The following ZNF33A variants were observed in gnomAD, a reference collection of about 807,000 sequenced individuals.
The protein encoded by ZNF33A is zinc finger protein 33A.
A neutral mutation model predicts 15.9 loss-of-function variants in ZNF33A; 9 were observed. The observed-to-expected ratio is 0.57, with a 90% confidence interval of 0.34 to 0.99. The LOEUF is 0.99. Ranked by LOEUF, ZNF33A falls within the 50% of genes least tolerant of loss-of-function variation. The probability of loss-of-function intolerance (pLI) is 0.02; values close to 1 mark genes in which losing one functional copy is unlikely to be tolerated. For synonymous variants in ZNF33A, 294 were observed against 324.2 expected (o/e 0.91, Z 1.00); for missense variants, 843 against 941.6 (o/e 0.90, Z 1.37).
rs2135697432 is a variant in ZNF33A, at chr10:38,041,867, A to G, written c.251-12508A>G. On this transcript the variant is annotated intron_variant, in intron 4 of 4. Transcript: ENST00000432900. ...TTGTTGTTGTTGTTGTTGTTTTTTT[A>G]CTTTAAGTTCTGTGATACATGTGCA... Among the ~76,000 whole-genome samples, 3 of 151,890 alleles carry G rather than the reference A, an allele frequency of 2.0e-5. No homozygotes were observed. The South Asian group carries it at 6.2e-4, about 32-fold the overall frequency.
chr10:38,050,554 G>C (rs1466829297), intron 4 of ZNF33A, among the ~76,000 whole-genome samples: 2 of 152,214 alleles, frequency 1.3e-5, no homozygotes, highest in Non-Finnish European at 2.9e-5. Flanking sequence ...CAAGTAGACA[G>C]GATACTTGAG....
At position 38,030,668 on chromosome 10, in the gene ZNF33A, A is replaced by G. The variant is rs2065175936; in HGVS notation, c.250+13282A>G. Among the ~76,000 whole-genome samples, 3 of 152,284 alleles carry G rather than the reference A, an allele frequency of 2.0e-5. No individual in the cohort carries two copies. The South Asian group carries it at 6.2e-4, about 32-fold the overall frequency. On this transcript the variant is annotated intron_variant, in intron 4 of 4. Transcript: ENST00000432900. ...AGGAGATCTAAATGTGGGTTGAGAA[A>G]GAAGGGAGAAGAATGGCTGCTTGTC...
intron 4 of ZNF33A, among the ~76,000 whole-genome samples, chr10:38,053,007 G>A (rs901908288): frequency 2.6e-5 from 4 of 151,462 alleles, no homozygotes; most frequent in African/African-American, 9.7e-5. Flanking sequence ...TTATTTAATT[G>A]TAGACCATCT....
At chr10:38,051,862 C>T (rs1465893644) in intron 4 of ZNF33A, among the ~76,000 whole-genome samples, 2 of 151,806 alleles carry the variant, frequency 1.3e-5, no homozygotes, top group Non-Finnish European at 2.9e-5. Context: ...AAGAAAAAAA[C>T]AGAAAAAAAG....
At position 38,051,140 on chromosome 10, in the gene ZNF33A, T is replaced by C. The variant is rs192725796; in HGVS notation, c.251-3235T>C. ...TGTTTCCAGTTATATATGCAAATCA[T>C]GAAGCCATTTTTGGTTTCTTGTACA... is the stretch of plus-strand genomic sequence containing the variant. On this transcript the variant is annotated intron_variant, in intron 4 of 4. Coordinates refer to ENST00000432900, the MANE Select transcript of ZNF33A (RefSeq NM_006954.2). Among the ~76,000 whole-genome samples, 133 of 152,332 alleles carry C rather than the reference T, an allele frequency of 8.7e-4. 1 individual carries two copies. In the Middle Eastern group the frequency reaches 0.024, roughly 27 times the overall value.
intron 4 of ZNF33A, among the ~76,000 whole-genome samples, chr10:38,029,789 C>A (rs1373172109): frequency 1.3e-5 from 2 of 152,162 alleles, no homozygotes; most frequent in East Asian, 3.9e-4. Context: ...TGGTGCAGAT[C>A]AGTGTATATT....
intron 2 of ZNF33A, among the ~76,000 whole-genome samples, chr10:38,015,743 GC>G (rs2064422930): frequency 6.6e-6 from 1 of 152,198 alleles, no homozygotes; most frequent in Non-Finnish European, 1.5e-5. Context: ...CATGGAGATA[GC>G]CAGAGGAAAC....
chr10:38,043,687 A>AT (rs955831977), intron 4 of ZNF33A, among the ~76,000 whole-genome samples: 19 of 150,782 alleles, frequency 1.3e-4, no homozygotes, highest in South Asian at 4.2e-4. Flanking sequence ...AAAAAAAAAA[A>AT]TTTTTTTTTC....
chr10:38,062,779 G>A (rs948380915), downstream of ZNF33A, among the ~76,000 whole-genome samples: 2 of 151,940 alleles, frequency 1.3e-5, no homozygotes, highest in South Asian at 2.1e-4. Flanking sequence ...CGAGGTGGGC[G>A]GATCACGAGG....
intron 2 of ZNF33A, among the ~76,000 whole-genome samples, chr10:38,013,344 C>T (rs939472187): frequency 2.0e-5 from 3 of 151,888 alleles, no homozygotes; most frequent in South Asian, 4.2e-4. Flanking sequence ...ATCTTGACCT[C>T]GTGATCTGCT....
At chr10:38,032,774 A>T (rs1423630823) in intron 4 of ZNF33A, among the ~76,000 whole-genome samples, 1 of 148,518 alleles carries the variant, frequency 6.7e-6, no homozygotes, top group Non-Finnish European at 1.5e-5. Context: ...TTGAGACAGA[A>T]TCTTACTCTG....
At chr10:38,060,346 TC>T (rs1435168551), downstream of ZNF33A, among the ~76,000 whole-genome samples, 2 of 152,104 alleles carry the variant, frequency 1.3e-5, no homozygotes, top group African/African-American at 4.8e-5. Flanking sequence ...CAGGCACAAT[TC>T]CTGCTTATTC....
In ZNF33A at chr10:38,026,227, T is replaced by A. The variant is rs183254488; in HGVS notation, c.250+8841T>A. Among the ~76,000 whole-genome samples the A allele has an allele frequency of 1.3e-3, 196 of 152,320 alleles. 1 individual carries two copies. Among genetic ancestry groups the A allele is most frequent in the Admixed American group, 3.3e-3 (51 of 15,298 alleles). ...ATCATTATCTGCTCAAGTTCCTGTA[T>A]TCAGTTCTTTTGGATATAAACCTAG... On this transcript the variant is annotated intron_variant, in intron 4 of 4. Coordinates refer to ENST00000432900, the MANE Select transcript of ZNF33A (RefSeq NM_006954.2).
chr10:38,013,264 C>A (rs1162598432), intron 2 of ZNF33A, among the ~76,000 whole-genome samples: 2 of 151,956 alleles, frequency 1.3e-5, no homozygotes, highest in Non-Finnish European at 2.9e-5. Flanking sequence ...GCATGCGCCA[C>A]CACACCTGGC....
chr10:38,053,438 A>G (rs1194656382), intron 4 of ZNF33A, among the ~76,000 whole-genome samples: 6 of 152,112 alleles, frequency 3.9e-5, no homozygotes, highest in East Asian at 1.9e-4. Context: ...AAGGACACCA[A>G]TGCCATTGTA....
At chr10:38,064,032 C>T, downstream of ZNF33A, 1 of 1,546,770 alleles carries the variant, frequency 6.5e-7, no homozygotes, top group Non-Finnish European at 8.8e-7. Flanking sequence ...ATCTTCACAT[C>T]AACCCTACGA....
chr10:38,019,523 T>A (rs1039923631), intron 4 of ZNF33A, among the ~76,000 whole-genome samples: 3 of 152,212 alleles, frequency 2.0e-5, no homozygotes, highest in Non-Finnish European at 2.9e-5. Context: ...ACACATTCCC[T>A]ACAGAGAATG....
At position 38,057,768 on chromosome 10, in the gene ZNF33A, A is replaced by G. The variant is rs2066545393; in HGVS notation, c.*1208A>G. 3 of 985,504 alleles carry G rather than the reference A, an allele frequency of 3.0e-6. No homozygotes were observed. Among genetic ancestry groups the G allele is most frequent in the Non-Finnish European group, 3.6e-6 (3 of 829,990 alleles). 61.0% of individuals were successfully genotyped at this position (985,504 alleles called of 1,614,324 possible). ...ATATGTGAACATTCCAGCCTTCAGC[A>G]TAAGTGGTAGTCCAAATTTTCTTTA... On this transcript the variant is annotated 3_prime_UTR_variant, in exon 5 of 5. Coordinates refer to ENST00000432900, the MANE Select transcript of ZNF33A (RefSeq NM_006954.2).
chr10:38,048,338 C>T (rs1480519775), intron 4 of ZNF33A, among the ~76,000 whole-genome samples: 4 of 152,016 alleles, frequency 2.6e-5, no homozygotes, highest in Admixed American at 2.6e-4. Context: ...AAATATATGA[C>T]AAACATAGCC....
Sources: gnomAD v4.1 joint callset for allele counts (sites outside exome capture counted in the v4.1 genomes callset) on GRCh38, gnomAD v4.1.1 for gene constraint, MANE v1.5 for transcripts, NCBI Gene and HGNC (gene_info 2026-07-23, HGNC 2026-07-21) for gene names.